KLHL1: variants seen among roughly 807,000 people sequenced by gnomAD.
The protein encoded by KLHL1 is kelch like family member 1.
A neutral mutation model predicts 77.7 loss-of-function variants in KLHL1; 47 were observed. The observed-to-expected ratio is 0.60, with a 90% CI of 0.48 to 0.77. The LOEUF (loss-of-function observed/expected upper bound fraction) is 0.77, where lower values mean the gene tolerates loss of function less well. KLHL1 is among the 30% of genes least tolerant of loss of function. The probability of loss-of-function intolerance (pLI) is 0.00; values close to 1 mark genes in which losing one functional copy is unlikely to be tolerated. For synonymous variants in KLHL1, 360 were observed against 325.2 expected, an observed-to-expected ratio of 1.11 and a Z score of -1.15; for missense variants, 925 against 910.8, an observed-to-expected ratio of 1.02 and a Z score of -0.20.
At chr13:69,822,939 CT>C (rs141488961) in intron 6 of KLHL1, among the ~76,000 whole-genome samples, 1 of 151,952 alleles carries the variant, frequency 6.6e-6, no homozygotes, top group Admixed American at 6.6e-5. Flanking sequence ...AAAAATATAA[CT>C]TTATGTTTTT....
intron 1 of KLHL1, among the ~76,000 whole-genome samples, chr13:70,071,863 AG>A (rs774729458): frequency 6.6e-6 from 1 of 152,110 alleles, no homozygotes; most frequent in Non-Finnish European, 1.5e-5. Flanking sequence ...ATGTCTATAA[AG>A]ACCTAAAATT....
At chr13:70,101,248 A>G (rs1887913509) in intron 1 of KLHL1, among the ~76,000 whole-genome samples, 1 of 139,494 alleles carries the variant, frequency 7.2e-6, no homozygotes, top group African/African-American at 2.5e-5. Context: ...AAATATTTAT[A>G]GAAGAAAAAT....
At chr13:70,005,786 A>G (rs1194151596) in intron 1 of KLHL1, among the ~76,000 whole-genome samples, 1 of 152,060 alleles carries the variant, frequency 6.6e-6, no homozygotes, top group African/African-American at 2.4e-5. Context: ...GTACCAAAAT[A>G]TACTCTCAAG....
At chr13:69,766,458 G>A (rs1271923746) in intron 7 of KLHL1, among the ~76,000 whole-genome samples, 2 of 150,056 alleles carry the variant, frequency 1.3e-5, no homozygotes, top group Non-Finnish European at 3.0e-5. Context: ...TTTATTTTAT[G>A]TCACCTAATT....
At chr13:70,008,521 C>T (rs1022101040) in intron 1 of KLHL1, among the ~76,000 whole-genome samples, 2 of 151,956 alleles carry the variant, frequency 1.3e-5, no homozygotes, top group African/African-American at 2.4e-5. Flanking sequence ...TGTTTTTAAC[C>T]ATTTGATATA....
At chr13:69,819,588 G>A (rs1347950473) in intron 6 of KLHL1, among the ~76,000 whole-genome samples, 2 of 150,804 alleles carry the variant, frequency 1.3e-5, no homozygotes, top group Admixed American at 6.6e-5. Context: ...ACCTATGGCT[G>A]TAAGTAGTCA....
intron 8 of KLHL1, among the ~76,000 whole-genome samples, chr13:69,724,068 C>A (rs1873190077): frequency 6.6e-6 from 1 of 152,178 alleles, no homozygotes; most frequent in Non-Finnish European, 1.5e-5. Context: ...AACTCCTGAT[C>A]TTGTGATCCA....
At chr13:70,057,051 C>A (rs575892989) in intron 1 of KLHL1, among the ~76,000 whole-genome samples, 1 of 151,970 alleles carries the variant, frequency 6.6e-6, no homozygotes, top group Non-Finnish European at 1.5e-5. Flanking sequence ...ATCAACAAAC[C>A]TTTAGCCATG....
chr13:70,090,617 G>T (rs927862255), intron 1 of KLHL1, among the ~76,000 whole-genome samples: 2 of 152,010 alleles, frequency 1.3e-5, no homozygotes, highest in Non-Finnish European at 2.9e-5. Context: ...ATAGGGAGAA[G>T]AAGTCAGAAA....
intron 5 of KLHL1, among the ~76,000 whole-genome samples, chr13:69,843,248 A>G (rs1017821085): frequency 6.6e-6 from 1 of 151,734 alleles, no homozygotes; most frequent in Non-Finnish European, 1.5e-5. Context: ...TGTACTTCAT[A>G]AATTTGTACA....
chr13:70,039,521 C>G (rs1283795791), intron 1 of KLHL1, among the ~76,000 whole-genome samples: 1 of 151,152 alleles, frequency 6.6e-6, no homozygotes, highest in African/African-American at 2.4e-5. Flanking sequence ...TATTGCTCAT[C>G]TTTTTAACAA....
At chr13:69,777,125 C>T (rs1593818795) in intron 7 of KLHL1, among the ~76,000 whole-genome samples, 1 of 152,182 alleles carries the variant, frequency 6.6e-6, no homozygotes, top group African/African-American at 2.4e-5. Flanking sequence ...TTATAAAGGG[C>T]AGTTTCCCTG....
At chr13:70,086,656 ATTTAT>A (rs1887552029) in intron 1 of KLHL1, among the ~76,000 whole-genome samples, 1 of 147,602 alleles carries the variant, frequency 6.8e-6, no homozygotes, top group Admixed American at 6.8e-5. Context: ...AACAAGACTT[ATTTAT>A]TTTGTTTTCT....
In KLHL1 at chr13:69,838,998, T is replaced by C. The variant is rs1167781460; in HGVS notation, c.1392A>G (p.Val464=). The C allele has an allele frequency of 1.2e-6, 2 of 1,608,514 alleles. No individual in the cohort carries two copies. Among genetic ancestry groups the C allele is most frequent in the East Asian group, 2.2e-5 (1 of 44,604 alleles). Residue 464 remains valine (V), a synonymous_variant, in exon 6 of 11, where the codon GTA becomes GTG. Coordinates refer to ENST00000377844, the MANE Select transcript of KLHL1 (RefSeq NM_020866.3). ...TACCTTTGTTGTTATCCATTCCTCC[T>C]ACAGCATACAAAGTTCCGACTGTAG... ...RKSTVGTLYA[V]GGMDNNKGAT...
chr13:69,707,444 AATAAAAGTAC>A (rs1372121364), intron 10 of KLHL1, among the ~76,000 whole-genome samples, 171 bp downstream of exon 10: 3 of 151,900 alleles, frequency 2.0e-5, no homozygotes, highest in African/African-American at 7.3e-5. Context: ...GTATTTTAGT[AATAAAAGTAC>A]ACAAGAATGT....
At chr13:69,782,730 G>A (rs529402219) in intron 7 of KLHL1, among the ~76,000 whole-genome samples, 1 of 152,204 alleles carries the variant, frequency 6.6e-6, no homozygotes, top group East Asian at 1.9e-4. Flanking sequence ...CTCCACCTCT[G>A]GGGGCAGGGC....
At chr13:69,849,728 G>GA (rs61036580) in intron 5 of KLHL1, among the ~76,000 whole-genome samples, 1 of 150,804 alleles carries the variant, frequency 6.6e-6, no homozygotes, top group Admixed American at 6.7e-5. Flanking sequence ...CAGAAAATCA[G>GA]AAAAAAAAAT....
At chr13:69,747,058 G>A (rs997086641) in intron 7 of KLHL1, among the ~76,000 whole-genome samples, 8 of 151,990 alleles carry the variant, frequency 5.3e-5, no homozygotes, top group South Asian at 2.1e-4. Context: ...GGAGAAAGTC[G>A]AAACAAATGT....
intron 1 of KLHL1, among the ~76,000 whole-genome samples, chr13:70,057,542 C>T (rs1486818403): frequency 2.7e-5 from 4 of 146,704 alleles, no homozygotes; most frequent in Non-Finnish European, 6.0e-5. Context: ...TTTGGGAGGC[C>T]GAGGCGGGTG....
Sources: allele counts gnomAD v4.1 joint callset (sites outside exome capture counted in the v4.1 genomes callset), GRCh38; gene constraint gnomAD v4.1.1; transcripts MANE v1.5; gene names NCBI Gene and HGNC (gene_info 2026-07-23, HGNC 2026-07-21).